ANO2: variants seen among roughly 807,000 people sequenced by gnomAD.
ANO2 encodes the protein anoctamin 2.
In ANO2, 101 loss-of-function variants were observed where a neutral mutation model predicts 124.2. That is an observed-to-expected ratio of 0.81 (90% confidence interval 0.69 to 0.96). ANO2 has a LOEUF of 0.96. ANO2 is among the 40% of genes least tolerant of loss of function. The pLI, the probability that ANO2 is intolerant of heterozygous loss-of-function variation, is 0.00. For missense variants in ANO2, 1,293 were observed against 1,274.5 expected (o/e 1.01, Z -0.22); for synonymous variants, 486 against 482.5 (o/e 1.01, Z -0.09).
At chr12:5,857,772 TGATA>T (rs59071869) in intron 3 of ANO2, among the ~76,000 whole-genome samples, 50,706 of 148,200 alleles carry the variant, frequency 0.34, 8,686 homozygotes, top group African/African-American at 0.38. Flanking sequence ...AAAAGAAATG[TGATA>T]GATAGATAGA....
At chr12:5,606,279 C>T (rs191638819) in intron 19 of ANO2, among the ~76,000 whole-genome samples, 1 of 152,254 alleles carries the variant, frequency 6.6e-6, no homozygotes, top group Non-Finnish European at 1.5e-5. Context: ...TCATTAGAGG[C>T]CCTTGGGAAG....
At chr12:5,857,702 C>A (rs1386390059) in intron 3 of ANO2, among the ~76,000 whole-genome samples, 1 of 151,900 alleles carries the variant, frequency 6.6e-6, no homozygotes, top group Non-Finnish European at 1.5e-5. Context: ...ATCCTTTGCC[C>A]AGTTTTTAAT....
chr12:5,823,023 T>C (rs925155434), intron 7 of ANO2, among the ~76,000 whole-genome samples: 1 of 152,162 alleles, frequency 6.6e-6, no homozygotes, highest in African/African-American at 2.4e-5. Context: ...GGCCCCATGA[T>C]TCAATTACCC....
intron 14 of ANO2, among the ~76,000 whole-genome samples, chr12:5,696,446 G>C (rs1949180138): frequency 6.6e-6 from 1 of 151,996 alleles, no homozygotes. Flanking sequence ...ATGAAAACAT[G>C]AATATAACAA....
intron 3 of ANO2, among the ~76,000 whole-genome samples, chr12:5,916,810 A>AG (rs1941408191): frequency 6.6e-6 from 1 of 152,088 alleles, no homozygotes; most frequent in Non-Finnish European, 1.5e-5. Flanking sequence ...GTGCAGAGTC[A>AG]GGGGGAGATT....
At chr12:5,567,272 C>A (rs1211017566) in intron 23 of ANO2, among the ~76,000 whole-genome samples, 1 of 152,188 alleles carries the variant, frequency 6.6e-6, no homozygotes, top group Non-Finnish European at 1.5e-5. Flanking sequence ...TCATCATAAC[C>A]GTCCTCAGCT....
At chr12:5,739,770 A>G (rs546828065) in intron 12 of ANO2, 158 of 422,388 alleles carry the variant, frequency 3.7e-4, no homozygotes, top group South Asian at 2.8e-3. Context: ...CTACGCATAC[A>G]TTCTTTCCTC....
At chr12:5,885,293 G>C (rs1399590988) in intron 3 of ANO2, among the ~76,000 whole-genome samples, 1 of 152,212 alleles carries the variant, frequency 6.6e-6, no homozygotes, top group Non-Finnish European at 1.5e-5. Flanking sequence ...TGGGTGAGCT[G>C]ATCTCAAAGT....
At chr12:5,883,331 T>C (rs1399700544) in intron 3 of ANO2, among the ~76,000 whole-genome samples, 1 of 152,180 alleles carries the variant, frequency 6.6e-6, no homozygotes, top group South Asian at 2.1e-4. Context: ...GACCTAGAGA[T>C]GCCTTCTCAT....
At chr12:5,880,737 G>C (rs1168661282) in intron 3 of ANO2, among the ~76,000 whole-genome samples, 1 of 151,408 alleles carries the variant, frequency 6.6e-6, no homozygotes, top group Non-Finnish European at 1.5e-5. Flanking sequence ...GAATTTAGTA[G>C]ATATTTGATA....
intron 3 of ANO2, among the ~76,000 whole-genome samples, chr12:5,866,097 C>T (rs1591715203): frequency 6.6e-6 from 1 of 152,188 alleles, no homozygotes; most frequent in East Asian, 1.9e-4. Context: ...ATCAGCATAT[C>T]CAACCCTCTG....
intron 10 of ANO2, among the ~76,000 whole-genome samples, chr12:5,754,076 T>C (rs746361165): frequency 6.6e-6 from 1 of 152,244 alleles, no homozygotes; most frequent in Admixed American, 6.5e-5. Context: ...TTGACAGTCA[T>C]GTTCCTTCCA....
At chr12:5,764,211 G>A (rs140978387) in intron 10 of ANO2, among the ~76,000 whole-genome samples, 1 of 152,124 alleles carries the variant, frequency 6.6e-6, no homozygotes, top group Admixed American at 6.5e-5. Flanking sequence ...GAAGATCCCT[G>A]GTCAAATCGA....
intron 14 of ANO2, among the ~76,000 whole-genome samples, chr12:5,652,375 A>G (rs1203278723): frequency 6.6e-6 from 1 of 152,140 alleles, no homozygotes; most frequent in African/African-American, 2.4e-5. Flanking sequence ...TTCACAACCA[A>G]TGAACCGATA....
At chr12:5,749,941 T>C (rs1293161090) in intron 11 of ANO2, among the ~76,000 whole-genome samples, 5 of 152,190 alleles carry the variant, frequency 3.3e-5, no homozygotes, top group African/African-American at 1.2e-4. Context: ...CCTTTTTTTT[T>C]TTTTCAGAGG....
intron 14 of ANO2, among the ~76,000 whole-genome samples, chr12:5,705,582 G>A (rs756805985): frequency 1.6e-4 from 24 of 152,198 alleles, no homozygotes; most frequent in Non-Finnish European, 2.8e-4. Context: ...GTACCTCAAT[G>A]CATGCACTAT....
At chr12:5,564,513 T>G (rs1941631287) in intron 24 of ANO2, 1 of 152,422 alleles carries the variant, frequency 6.6e-6, no homozygotes, top group Non-Finnish European at 1.5e-5. Flanking sequence ...AGACTGGGAC[T>G]GAGCCCTTGA....
intron 1 of ANO2, among the ~76,000 whole-genome samples, chr12:5,923,717 C>A (rs1308039244): frequency 1.3e-5 from 2 of 152,206 alleles, no homozygotes; most frequent in Non-Finnish European, 2.9e-5. Context: ...TGACTGCATG[C>A]TAGAATTGGA....
At chr12:5,840,225 T>G (rs1392135155) in intron 4 of ANO2, among the ~76,000 whole-genome samples, 1 of 152,204 alleles carries the variant, frequency 6.6e-6, no homozygotes, top group Non-Finnish European at 1.5e-5. Flanking sequence ...TAAATAATTT[T>G]TAAAATATGT....
Sources: allele counts gnomAD v4.1 joint callset (sites outside exome capture counted in the v4.1 genomes callset), GRCh38; gene constraint gnomAD v4.1.1; transcripts MANE v1.5; gene names NCBI Gene and HGNC (gene_info 2026-07-23, HGNC 2026-07-21).